ASXL3: variants seen among roughly 807,000 people sequenced by gnomAD.
ASXL3 encodes putative Polycomb group protein ASXL3.
In ASXL3, 34 loss-of-function variants were observed where a neutral mutation model predicts 170.6. The observed-to-expected ratio is 0.20, with a 90% CI of 0.15 to 0.27. ASXL3 has a LOEUF of 0.27. ASXL3 is among the 10% of genes least tolerant of loss of function. ASXL3 has a pLI of 1.00. For missense variants in ASXL3, 2,592 were observed against 2,695.3 expected (o/e 0.96, Z 0.85); for synonymous variants, 1,002 against 989.1 (o/e 1.01, Z -0.24).
chr18:33,745,548 G>T lies in ASXL3; in HGVS notation c.5700G>T (p.Leu1900=). 1 of 1,614,018 alleles carries T rather than the reference G, an allele frequency of 6.2e-7. No homozygotes were observed. The highest frequency in any genetic ancestry group is 8.5e-7 in the Non-Finnish European group (1 of 1,179,906). The change falls in exon 12 of 12, where the codon CTG becomes CTT. Residue 1900 remains leucine, a synonymous_variant. Coordinates refer to ENST00000269197, the MANE Select transcript of ASXL3 (RefSeq NM_030632.3). The stretch of plus-strand genomic sequence containing the variant: ...CTGAGGTCAAACAGCAAAAGCGGCT[G>T]CTCCCCTCGTGTAGCTTCCAGCAGA... ...HSPEVKQQKR[L]LPSCSFQQNL...
At chr18:33,593,257 C>CCT (rs1422822150) in intron 1 of ASXL3, among the ~76,000 whole-genome samples, 57 of 138,932 alleles carry the variant, frequency 4.1e-4, no homozygotes, top group African/African-American at 1.5e-3. Context: ...CCTATGCCCA[C>CCT]CTTTTTTTTT....
At chr18:33,688,561 A>G (rs533671487) in intron 8 of ASXL3, among the ~76,000 whole-genome samples, 1 of 152,326 alleles carries the variant, frequency 6.6e-6, no homozygotes, top group East Asian at 1.9e-4. Context: ...AAGTATATGT[A>G]TTTGTGGAGA....
At chr18:33,646,121 A>C (rs1262802689) in intron 3 of ASXL3, 124 bp from the exon 4 acceptor site, 2 of 657,314 alleles carry the variant, frequency 3.0e-6, no homozygotes, top group East Asian at 3.3e-5. Context: ...ATTAAAAAGT[A>C]AATCATTATT....
intron 8 of ASXL3, among the ~76,000 whole-genome samples, chr18:33,701,674 T>C (rs1056315300): frequency 1.3e-4 from 20 of 152,240 alleles, no homozygotes; most frequent in Middle Eastern, 6.8e-3. Flanking sequence ...TATCCTTGGC[T>C]TTCAGCATTT....
intron 4 of ASXL3, among the ~76,000 whole-genome samples, chr18:33,654,136 C>G (rs941501979): frequency 5.0e-4 from 76 of 152,108 alleles, no homozygotes; most frequent in African/African-American, 1.8e-3. Context: ...AGCATACTTT[C>G]ATCTCTCTTC....
Position 33,746,118 on chromosome 18 carries a change from AAGC to A in ASXL3, c.6277_6279del (p.Ser2093del), listed in dbSNP as rs776575775. ...AACCTCTTTCTTTTGAGGAAGGTTTAAGCAGCAGCTGTGAACTGGGCATGAAAC... is the reference window on the plus strand; with the variant it reads ...AACCTCTTTCTTTTGAGGAAGGTTTAAGCAGCTGTGAACTGGGCATGAAAC... On this transcript the variant is annotated inframe_deletion, in exon 12 of 12. Coordinates refer to ENST00000269197, the MANE Select transcript of ASXL3 (RefSeq NM_030632.3). 7.4e-6 allele frequency: 12 copies of A among 1,613,696 alleles called. No individual in the cohort carries two copies. The highest frequency in any genetic ancestry group is 9.3e-6 in the Non-Finnish European group (11 of 1,179,900).
intron 2 of ASXL3, among the ~76,000 whole-genome samples, chr18:33,628,326 G>A (rs1356525872): frequency 6.6e-6 from 1 of 152,040 alleles, no homozygotes; most frequent in African/African-American, 2.4e-5. Context: ...TTGAAGTGGG[G>A]TCCCTAGAGA....
chr18:33,725,932 A>G (rs768189224), intron 8 of ASXL3, among the ~76,000 whole-genome samples: 9 of 152,152 alleles, frequency 5.9e-5, no homozygotes, highest in Non-Finnish European at 1.2e-4. Context: ...CTACCTGAAC[A>G]ATCTTAAGAC....
At chr18:33,609,848 A>G (rs966780706) in intron 2 of ASXL3, among the ~76,000 whole-genome samples, 2 of 152,028 alleles carry the variant, frequency 1.3e-5, no homozygotes, top group African/African-American at 4.8e-5. Context: ...CTTCTGTAAA[A>G]TCTGCTCTGC....
chr18:33,701,310 T>C (rs185856653), intron 8 of ASXL3, among the ~76,000 whole-genome samples: 19 of 152,130 alleles, frequency 1.2e-4, no homozygotes, highest in Admixed American at 6.6e-4. Flanking sequence ...AAGATAAGTG[T>C]GCCAATTTCT....
intron 8 of ASXL3, among the ~76,000 whole-genome samples, chr18:33,727,787 C>T (rs1353055232): frequency 6.6e-6 from 1 of 152,134 alleles, no homozygotes; most frequent in Non-Finnish European, 1.5e-5. Context: ...TTTCTTAAAA[C>T]CCATAAAATT....
chr18:33,694,169 C>T (rs1316047421), intron 8 of ASXL3, among the ~76,000 whole-genome samples: 1 of 152,130 alleles, frequency 6.6e-6, no homozygotes, highest in African/African-American at 2.4e-5. Context: ...TTCCCTCAAT[C>T]CCCCTTATGG....
Position 33,745,460 on chromosome 18 carries a change from G to C in ASXL3, c.5612G>C (p.Ser1871Thr). ...ISSGISQLGH[S>T]QPFKQEWLNK... Reference sequence around the variant, plus strand: ...TCCGGCATCAGTCAGCTAGGACACAGCCAGCCATTTAAGCAAGAATGGCTA... The same window carrying C: ...TCCGGCATCAGTCAGCTAGGACACACCCAGCCATTTAAGCAAGAATGGCTA... Residue 1871 changes from serine to threonine, a missense_variant, in exon 12 of 12, where the codon AGC (serine) becomes ACC (threonine). Coordinates refer to ENST00000269197, the MANE Select transcript of ASXL3 (RefSeq NM_030632.3). The C allele has an allele frequency of 6.2e-7, 1 of 1,614,010 alleles. No homozygotes were observed. Among genetic ancestry groups the C allele is most frequent in the Non-Finnish European group, 8.5e-7 (1 of 1,179,896 alleles).
At chr18:33,721,700 C>T (rs573895433) in intron 8 of ASXL3, among the ~76,000 whole-genome samples, 30 of 152,132 alleles carry the variant, frequency 2.0e-4, no homozygotes, top group Admixed American at 1.3e-3. Flanking sequence ...TGCTTGATTC[C>T]ATGCATACTT....
intron 8 of ASXL3, among the ~76,000 whole-genome samples, chr18:33,693,852 G>T (rs985153086): frequency 6.6e-6 from 1 of 152,156 alleles, no homozygotes; most frequent in East Asian, 1.9e-4. Context: ...TAAGGTTCTT[G>T]TTGACTGATT....
chr18:33,676,222 CAAAAAAAA>C (rs568221465), intron 7 of ASXL3, among the ~76,000 whole-genome samples: 10 of 41,732 alleles, frequency 2.4e-4, no homozygotes, highest in Admixed American at 6.6e-4. Context: ...GACTCCGTCT[CAAAAAAAA>C]AAAAAAAAAA....
At chr18:33,613,115 C>T (rs1200129154) in intron 2 of ASXL3, among the ~76,000 whole-genome samples, 1 of 152,044 alleles carries the variant, frequency 6.6e-6, no homozygotes, top group Non-Finnish European at 1.5e-5. Flanking sequence ...TAATCTAGTT[C>T]TTAGTTGACA....
At chr18:33,666,322 A>T (rs780655962) in intron 5 of ASXL3, among the ~76,000 whole-genome samples, 2 of 152,192 alleles carry the variant, frequency 1.3e-5, no homozygotes, top group Non-Finnish European at 2.9e-5. Context: ...TAGACTGATT[A>T]TGTAATATCT....
At chr18:33,629,128 T>TA (rs1300675825) in intron 2 of ASXL3, among the ~76,000 whole-genome samples, 8 of 152,116 alleles carry the variant, frequency 5.3e-5, no homozygotes, top group Non-Finnish European at 1.2e-4. Flanking sequence ...TAAAGCCCTT[T>TA]AACTGTAATG....
Sources: gnomAD v4.1 joint callset for allele counts (sites outside exome capture counted in the v4.1 genomes callset) on GRCh38, gnomAD v4.1.1 for gene constraint, MANE v1.5 for transcripts, NCBI Gene and HGNC (gene_info 2026-07-23, HGNC 2026-07-21) for gene names.